RASGRF1: variants seen among roughly 807,000 people sequenced by gnomAD.
RASGRF1 encodes Ras protein specific guanine nucleotide releasing factor 1, also known as ras-specific guanine nucleotide-releasing factor 1.
RASGRF1 carries 40 observed loss-of-function variants against 138.7 expected under a neutral mutation model. The ratio of observed to expected loss-of-function variants is 0.29; its 90% CI spans 0.22 to 0.38. RASGRF1 has a LOEUF of 0.38. RASGRF1 is among the 10% of genes least tolerant of loss of function. The pLI is 1.00. For synonymous variants in RASGRF1, 614 were observed against 663.2 expected (o/e 0.93, Z 1.14); for missense variants, 1,108 against 1,650.4 (o/e 0.67, Z 5.69).
intron 21 of RASGRF1, among the ~76,000 whole-genome samples, chr15:78,991,202 T>C (rs73465325): frequency 6.6e-6 from 1 of 152,192 alleles, no homozygotes; most frequent in Non-Finnish European, 1.5e-5. Flanking sequence ...TAGCATCAGA[T>C]GAAGGAAGAG....
At chr15:79,082,739 G>A (rs1161298077) in intron 1 of RASGRF1, among the ~76,000 whole-genome samples, 5 of 152,220 alleles carry the variant, frequency 3.3e-5, no homozygotes, top group Non-Finnish European at 7.3e-5. Flanking sequence ...GAAAGCTCCT[G>A]CAGCAATCAT....
chr15:78,984,941 C>G, intron 23 of RASGRF1, 66 bp downstream of exon 23: 2 of 1,534,254 alleles, frequency 1.3e-6, no homozygotes, highest in Non-Finnish European at 1.8e-6. Context: ...GGCCAGCCCA[C>G]GGGTCTTCCT....
chr15:78,972,817 A>G (rs2055794500), intron 25 of RASGRF1, among the ~76,000 whole-genome samples: 1 of 152,138 alleles, frequency 6.6e-6, no homozygotes, highest in African/African-American at 2.4e-5. Flanking sequence ...TTTTTCTGGG[A>G]AAACTGGAAA....
At chr15:79,021,931 G>A (rs940516569) in intron 10 of RASGRF1, among the ~76,000 whole-genome samples, 1 of 152,232 alleles carries the variant, frequency 6.6e-6, no homozygotes, top group Non-Finnish European at 1.5e-5. Context: ...GTTATCCAGT[G>A]AGCACTGAGC....
intron 14 of RASGRF1, chr15:79,004,598 C>T: frequency 1.0e-6 from 1 of 975,516 alleles, no homozygotes; most frequent in Non-Finnish European, 1.2e-6. Context: ...GGCTCAGAGA[C>T]AGGAAATGAC....
At chr15:79,069,329 C>G (rs946613295) in intron 1 of RASGRF1, among the ~76,000 whole-genome samples, 1 of 152,196 alleles carries the variant, frequency 6.6e-6, no homozygotes, top group African/African-American at 2.4e-5. Context: ...TTGCAAGCAA[C>G]CTTTGTGGGC....
chr15:78,998,967 A>T (rs2056455694), intron 17 of RASGRF1, 142 bp from the exon 18 acceptor site: 1 of 655,696 alleles, frequency 1.5e-6, no homozygotes, highest in Admixed American at 2.1e-5. Context: ...AACATGTTTA[A>T]CAACTAGTGT....
intron 13 of RASGRF1, among the ~76,000 whole-genome samples, chr15:79,013,270 C>G (rs187078154): frequency 3.5e-4 from 53 of 152,286 alleles, no homozygotes; most frequent in African/African-American, 1.2e-3. Context: ...GGGCTGGGGA[C>G]CAGGGCTGTT....
intron 10 of RASGRF1, among the ~76,000 whole-genome samples, chr15:79,023,751 G>A (rs917352086): frequency 3.9e-5 from 6 of 152,144 alleles, no homozygotes; most frequent in African/African-American, 1.4e-4. Flanking sequence ...GAGCAGCTCA[G>A]CAGCCTCCAG....
intron 11 of RASGRF1, among the ~76,000 whole-genome samples, chr15:79,019,181 G>A (rs2056923470): frequency 6.6e-6 from 1 of 152,132 alleles, no homozygotes; most frequent in Non-Finnish European, 1.5e-5. Flanking sequence ...GCCCACCCCA[G>A]GAGGCCCAGT....
intron 4 of RASGRF1, among the ~76,000 whole-genome samples, chr15:79,048,912 C>T (rs1243802990): frequency 6.6e-6 from 1 of 152,228 alleles, no homozygotes; most frequent in East Asian, 1.9e-4. Flanking sequence ...CGCTCCTTCC[C>T]TCTGCCACAC....
chr15:78,963,695 A>G (rs12443215), intron 26 of RASGRF1, among the ~76,000 whole-genome samples: 19,257 of 152,196 alleles, frequency 0.13, 2,277 homozygotes, highest in African/African-American at 0.31. Context: ...CTCTGCTACT[A>G]TAAAGGTTGG....
At chr15:78,971,409 T>C (rs1256537140) in intron 26 of RASGRF1, among the ~76,000 whole-genome samples, 2 of 152,220 alleles carry the variant, frequency 1.3e-5, no homozygotes, top group African/African-American at 2.4e-5. Flanking sequence ...GTGTATAGTA[T>C]GCTAGAGAAT....
Position 79,058,429 on chromosome 15 carries a change from G to T in RASGRF1, c.436C>A (p.Leu146Met). 2 of 1,614,208 alleles carry T rather than the reference G, an allele frequency of 1.2e-6. No homozygotes were observed. The highest frequency in any genetic ancestry group is 1.7e-6 in the Non-Finnish European group (2 of 1,180,036). Residue 146 changes from leucine (L) to methionine (M), a missense_variant, in exon 3 of 27, where the codon CTG becomes ATG. Physicochemically the swap from Leu to Met is conservative, Grantham distance 15 (BLOSUM62 2). Around this residue, in one of 3 missense-constraint regions of RASGRF1, gnomAD observed 253 missense variants for 329.5 expected, o/e 0.77. Coordinates refer to ENST00000558480, the MANE Select transcript of RASGRF1 (RefSeq NM_001145648.3). ...HEALMQKYLH[L>M]LQIVETEKTV... ...TTCTCTGTCTCCACGATCTGCAGCA[G>T]GTGCAGGTATTTCTGCATTAATGCC...
At chr15:79,087,514 A>G (rs188217000) in intron 1 of RASGRF1, among the ~76,000 whole-genome samples, 1 of 152,356 alleles carries the variant, frequency 6.6e-6, no homozygotes, top group African/African-American at 2.4e-5. Context: ...GACACCAGCT[A>G]GTCTAGTTAA....
At chr15:78,981,484 A>G (rs2056029143) in intron 23 of RASGRF1, 1 of 152,182 alleles carries the variant, frequency 6.6e-6, no homozygotes, top group African/African-American at 2.4e-5. Flanking sequence ...TGGCTGAGAA[A>G]CCGCGGGAGC....
chr15:78,991,097 A>C (rs1285460481), intron 21 of RASGRF1, among the ~76,000 whole-genome samples: 1 of 152,274 alleles, frequency 6.6e-6, no homozygotes, highest in Non-Finnish European at 1.5e-5. Flanking sequence ...TAAATATAAA[A>C]GTGAAGGCTG....
rs1028993111 is a variant in RASGRF1 at position 79,082,552 on chromosome 15, C to T, written c.276+7671G>A. On this transcript the variant is annotated intron_variant, in intron 1 of 26. Transcript: ENST00000558480. ...GGTTGTTATTGCAGCACAACCCAACCTACCCTGACCGACACACCAGTTAGG... is the reference window on the plus strand; with the variant it reads ...GGTTGTTATTGCAGCACAACCCAACTTACCCTGACCGACACACCAGTTAGG... Among the ~76,000 whole-genome samples, 2 of 152,182 alleles carry T rather than the reference C, an allele frequency of 1.3e-5. 1 individual carries two copies. The highest frequency in any genetic ancestry group is 2.9e-5 in the Non-Finnish European group (2 of 68,044).
At position 79,058,318 on chromosome 15, in the gene RASGRF1, C is replaced by T; in HGVS notation, c.531+16G>A. On this transcript the variant is annotated intron_variant, in intron 3 of 26. Transcript: ENST00000558480. ...TTGTGCCTAGGGCCTGGGCCCACCC[C>T]CCAGCCCGCAGTCACCTCTGCCTTC... 1.9e-6 allele frequency: 3 copies of T among 1,610,450 alleles called. No homozygotes were observed. Among genetic ancestry groups the T allele is most frequent in the African/African-American group, 2.7e-5 (2 of 75,036 alleles).
Sources: allele counts gnomAD v4.1 joint callset (sites outside exome capture counted in the v4.1 genomes callset), GRCh38; gene constraint gnomAD v4.1.1; regional missense constraint gnomAD v4.1.1; transcripts MANE v1.5; gene names NCBI Gene and HGNC (gene_info 2026-07-23, HGNC 2026-07-21).